Variants in RNF17 observed in about 807,000 individuals in gnomAD.
RNF17 encodes the protein ring finger protein 17.
RNF17 carries 31 observed loss-of-function variants against 200.5 expected under a neutral mutation model. That is an observed-to-expected ratio of 0.15 (90% confidence interval 0.12 to 0.21). RNF17 has a LOEUF of 0.21. Ranked by LOEUF, RNF17 falls within the 10% of genes least tolerant of loss-of-function variation. RNF17 has a pLI of 1.00. For missense variants in RNF17, 1,628 were observed against 1,905.1 expected, an observed-to-expected ratio of 0.85 and a Z score of 2.71; for synonymous variants, 606 against 637.8, an observed-to-expected ratio of 0.95 and a Z score of 0.75.
downstream of RNF17, among the ~76,000 whole-genome samples, chr13:24,882,111 GATAT>G (rs1296502684): frequency 3.7e-3 from 17 of 4,602 alleles, 5 homozygotes; most frequent in East Asian, 0.024. Flanking sequence ...CATCTATATA[GATAT>G]ATAGATACAT....
intron 6 of RNF17, among the ~76,000 whole-genome samples, chr13:24,786,453 T>C (rs1391318503): frequency 6.6e-6 from 1 of 152,216 alleles, no homozygotes; most frequent in Non-Finnish European, 1.5e-5. Context: ...TACACTAATA[T>C]TGGTTTTTAT....
intron 15 of RNF17, among the ~76,000 whole-genome samples, chr13:24,824,970 G>A (rs1288211503): frequency 6.6e-6 from 1 of 152,048 alleles, no homozygotes; most frequent in Non-Finnish European, 1.5e-5. Flanking sequence ...CAAACCCTTA[G>A]GAGTAACTTT....
intron 2 of RNF17, among the ~76,000 whole-genome samples, chr13:24,772,568 A>T (rs182843948): frequency 6.6e-6 from 1 of 152,040 alleles, no homozygotes; most frequent in Admixed American, 6.6e-5. Flanking sequence ...AGAAACAGAT[A>T]ACTCCATTAA....
chr13:24,847,349 ATT>A (rs58067264), intron 22 of RNF17, among the ~76,000 whole-genome samples: 2,974 of 138,892 alleles, frequency 0.021, 86 homozygotes, highest in African/African-American at 0.072. Context: ...TTATTTATTT[ATT>A]TTTTTTTTTT....
intron 15 of RNF17, among the ~76,000 whole-genome samples, chr13:24,823,734 G>T (rs1380936617): frequency 2.0e-5 from 3 of 152,100 alleles, no homozygotes; most frequent in African/African-American, 7.2e-5. Context: ...CCATATATAT[G>T]ACTGCTTTTG....
downstream of RNF17, among the ~76,000 whole-genome samples, chr13:24,880,209 C>A (rs1953771874): frequency 6.6e-6 from 1 of 152,146 alleles, no homozygotes; most frequent in Admixed American, 6.5e-5. Flanking sequence ...GAAGGGGAAG[C>A]AAGTCACCTT....
intron 9 of RNF17, among the ~76,000 whole-genome samples, chr13:24,790,309 T>G (rs1883684511): frequency 6.6e-6 from 1 of 152,106 alleles, no homozygotes. Context: ...GTTCAGGGAA[T>G]GGTGTATATA....
upstream of RNF17, among the ~76,000 whole-genome samples, chr13:24,763,161 T>C (rs1439549156): frequency 6.6e-6 from 1 of 152,104 alleles, no homozygotes; most frequent in Non-Finnish European, 1.5e-5. Flanking sequence ...CTTCATTTCT[T>C]CATTGCTTTT....
upstream of RNF17, chr13:24,764,144 G>C (rs1000223878): frequency 2.0e-6 from 3 of 1,493,832 alleles, no homozygotes; most frequent in Non-Finnish European, 1.8e-6. Context: ...ATGATTGGTC[G>C]CTGCCGCGAG....
intron 3 of RNF17, among the ~76,000 whole-genome samples, chr13:24,777,646 A>G (rs978747676): frequency 6.6e-6 from 1 of 152,182 alleles, no homozygotes; most frequent in Non-Finnish European, 1.5e-5. Context: ...AATAGCTGGC[A>G]TTTGTATATA....
chr13:24,789,664 G>T, intron 8 of RNF17, 34 bp from the exon 9 acceptor site: 2 of 1,307,992 alleles, frequency 1.5e-6, no homozygotes, highest in South Asian at 2.4e-5. Flanking sequence ...ATTTGTATTA[G>T]AACATTTATG....
rs910461521 is a variant in RNF17 at position 24,862,626 on chromosome 13, T to G, written c.3895-87T>G. 2.2e-5 allele frequency: 17 copies of G among 780,742 alleles called. No homozygotes were observed. The Admixed American group carries it at 2.9e-4, about 13-fold the overall frequency. The allele number at this position is 780,742 out of a possible 1,614,324, so 48.4% of individuals were successfully genotyped here. A position where few individuals can be genotyped will look rare whatever the true frequency, so the allele number is the denominator to read the frequency against. On this transcript the variant is annotated intron_variant, in intron 27 of 35. Coordinates refer to ENST00000255324, the MANE Select transcript of RNF17 (RefSeq NM_031277.3). Reference sequence around the variant, plus strand: ...TGTACTACTATCTGATATTATTTGTTTATGGCTACTTTTGTGTATCTTAAT... The same window carrying G: ...TGTACTACTATCTGATATTATTTGTGTATGGCTACTTTTGTGTATCTTAAT...
intron 27 of RNF17, 37 bp downstream of exon 27, chr13:24,861,424 A>T: frequency 2.3e-6 from 3 of 1,322,568 alleles, no homozygotes; most frequent in Non-Finnish European, 2.0e-6. Context: ...ATTAATTTTA[A>T]ATATTAGTTT....
chr13:24,805,741 T>C (rs762910586), intron 15 of RNF17, among the ~76,000 whole-genome samples: 1 of 152,228 alleles, frequency 6.6e-6, no homozygotes, highest in African/African-American at 2.4e-5. Flanking sequence ...CTGGATTATA[T>C]GGTAATTTTA....
chr13:24,867,565 CT>C lies in RNF17; in HGVS notation c.4162-1026del, dbSNP rs550721767. 2.8e-3 allele frequency among the ~76,000 whole-genome samples: 422 copies of C among 151,600 alleles called. 5 individuals are homozygous for C. Among genetic ancestry groups the C allele is most frequent in the African/African-American group, 9.7e-3 (402 of 41,392 alleles). ...TTTGCTGAATTTTCCTAGGTTCAAA[CT>C]TTTTTTTTGTCTACCAGTTTGAAAT... is the stretch of plus-strand genomic sequence containing the variant. On this transcript the variant is annotated intron_variant, in intron 30 of 35. Transcript: ENST00000255324.
intron 15 of RNF17, among the ~76,000 whole-genome samples, chr13:24,821,468 A>C (rs1368729920): frequency 6.6e-6 from 1 of 151,976 alleles, no homozygotes; most frequent in East Asian, 1.9e-4. Context: ...TCTTCCTTCT[A>C]TGACTTTCAT....
rs1434109419 is a variant in RNF17 at position 24,783,695 on chromosome 13, T to G, written c.611+1751T>G. ...ATTGTTACTGTGTAGAAACACACCTTATTTTTATATTGATTTTTGTGTCCT... is the reference window on the plus strand; with the variant it reads ...ATTGTTACTGTGTAGAAACACACCTGATTTTTATATTGATTTTTGTGTCCT... On this transcript the variant is annotated intron_variant, in intron 6 of 35. Transcript: ENST00000255324. 1.0e-4 allele frequency among the ~76,000 whole-genome samples: 4 copies of G among 39,010 alleles called. No individual in the cohort carries two copies. The East Asian group carries it at 3.0e-3, about 29-fold the overall frequency. 25.6% of individuals were successfully genotyped at this position (39,010 alleles called of 152,430 possible).
intron 11 of RNF17, 101 bp downstream of exon 11, chr13:24,796,396 T>A: frequency 1.4e-6 from 1 of 719,306 alleles, no homozygotes; most frequent in Non-Finnish European, 2.1e-6. Context: ...ATTTTTGCTC[T>A]AAGTTCATTT....
chr13:24,812,022 G>A (rs1252279632), intron 15 of RNF17, among the ~76,000 whole-genome samples: 1 of 151,892 alleles, frequency 6.6e-6, no homozygotes, highest in Non-Finnish European at 1.5e-5. Flanking sequence ...GCTGCGTGCT[G>A]GGAGAACCAC....
Sources: allele counts gnomAD v4.1 joint callset (sites outside exome capture counted in the v4.1 genomes callset), GRCh38; gene constraint gnomAD v4.1.1; transcripts MANE v1.5; gene names NCBI Gene and HGNC (gene_info 2026-07-23, HGNC 2026-07-21).